Variants in ZNF25 observed in about 807,000 individuals in gnomAD.
The protein encoded by ZNF25 is zinc finger protein 25, also known as zinc finger protein 25 (KOX 19).
A neutral mutation model predicts 30.9 loss-of-function variants in ZNF25; 21 were observed. The ratio of observed to expected loss-of-function variants is 0.68; its 90% CI spans 0.48 to 0.98. The LOEUF is 0.98. Ranked by LOEUF, ZNF25 falls within the 50% of genes least tolerant of loss-of-function variation. ZNF25 has a pLI of 0.00. For synonymous variants in ZNF25, 169 were observed against 181.3 expected, an observed-to-expected ratio of 0.93 and a Z score of 0.55; for missense variants, 501 against 529.9, an observed-to-expected ratio of 0.95 and a Z score of 0.54.
At chr10:37,957,894 A>G (rs2062629660) in intron 2 of ZNF25, among the ~76,000 whole-genome samples, 1 of 152,244 alleles carries the variant, frequency 6.6e-6, no homozygotes, top group Non-Finnish European at 1.5e-5. Flanking sequence ...GTTTAGATAC[A>G]CAAATTCTTA....
intron 2 of ZNF25, among the ~76,000 whole-genome samples, chr10:37,958,678 G>C (rs1005596971): frequency 2.2e-4 from 33 of 152,068 alleles, no homozygotes; most frequent in Non-Finnish European, 7.4e-5. Context: ...CCAGCTACTT[G>C]AGAGGGTGAT....
At chr10:37,967,205 C>T (rs751337317) in intron 2 of ZNF25, among the ~76,000 whole-genome samples, 1 of 152,130 alleles carries the variant, frequency 6.6e-6, no homozygotes, top group Non-Finnish European at 1.5e-5. Context: ...GATTATCCTC[C>T]AATTCATACG....
chr10:37,966,496 C>T (rs890995903), intron 2 of ZNF25, among the ~76,000 whole-genome samples: 4 of 151,836 alleles, frequency 2.6e-5, no homozygotes, highest in Admixed American at 6.6e-5. Context: ...CCACAGGCTG[C>T]GCAGGAAGCA....
At chr10:37,968,118 C>T (rs761280905) in intron 2 of ZNF25, among the ~76,000 whole-genome samples, 10 of 152,056 alleles carry the variant, frequency 6.6e-5, no homozygotes, top group East Asian at 3.9e-4. Context: ...AGTGCAGTGG[C>T]GCCATCTCAG....
In ZNF25 at chr10:37,954,914, G is replaced by T. The variant is rs192683879; in HGVS notation, c.239-1156C>A. Among the ~76,000 whole-genome samples, 80 of 152,280 alleles carry T rather than the reference G, an allele frequency of 5.3e-4. 2 individuals are homozygous for T. In the East Asian group the frequency reaches 0.012, roughly 22 times the overall value. The stretch of plus-strand genomic sequence containing the variant: ...CATGCCTGTAATCCCGGCACTTTGA[G>T]AGGCTGAGGTGGGTGGATCACCTGA... On this transcript the variant is annotated intron_variant, in intron 4 of 5. Coordinates refer to ENST00000302609, the MANE Select transcript of ZNF25 (RefSeq NM_145011.4).
At chr10:37,969,299 G>A (rs552545727) in intron 2 of ZNF25, among the ~76,000 whole-genome samples, 1 of 152,206 alleles carries the variant, frequency 6.6e-6, no homozygotes, top group South Asian at 2.1e-4. Context: ...TTGAAAATAG[G>A]TATCAAATAC....
chr10:37,957,116 C>T lies in ZNF25; in HGVS notation c.143-1G>A. 8.7e-6 allele frequency: 14 copies of T among 1,611,932 alleles called. No individual in the cohort carries two copies. The highest frequency in any genetic ancestry group is 1.2e-5 in the Non-Finnish European group (14 of 1,178,364). On this transcript the variant is annotated splice_acceptor_variant, in intron 3 of 5. Transcript: ENST00000302609. LOFTEE classifies it high-confidence loss of function. Reference sequence around the variant, plus strand: ...GCATTTGGCTTATTCACATGGTAACCTATGAATGGAAAATATCAAGGAAAT... The same window carrying T: ...GCATTTGGCTTATTCACATGGTAACTTATGAATGGAAAATATCAAGGAAAT...
rs928786656 is a variant in ZNF25 at position 37,952,616 on chromosome 10, G to A, written c.882C>T (p.Phe294=). The A allele has an allele frequency of 9.9e-6, 16 of 1,612,710 alleles. No individual in the cohort carries two copies. Among genetic ancestry groups the A allele is most frequent in the Non-Finnish European group, 1.3e-5 (15 of 1,179,662 alleles). Residue 294 remains phenylalanine, a synonymous_variant, in exon 6 of 6, where the codon TTC becomes TTT. Transcript: ENST00000302609. Reference sequence around the variant, plus strand: ...TTTTGAGGTGTGAATTCCTAGAGAAGAATTTCCCACATTCCTTACATTTAT... The same window carrying A: ...TTTTGAGGTGTGAATTCCTAGAGAAAAATTTCCCACATTCCTTACATTTAT... The part of the protein sequence containing the change: ...KPYKCKECGK[F]FSRNSHLKTH...
chr10:37,973,047 A>T (rs1239721896), intron 1 of ZNF25, among the ~76,000 whole-genome samples: 1 of 152,156 alleles, frequency 6.6e-6, no homozygotes, highest in African/African-American at 2.4e-5. Context: ...GCATGCCTGT[A>T]ATCCCAGCTA....
At position 37,952,402 on chromosome 10, in the gene ZNF25, CT is replaced by C; in HGVS notation, c.1095del (p.Glu367ArgfsTer15). 6.2e-7 allele frequency: 1 copy of C among 1,614,148 alleles called. No individual in the cohort carries two copies. The highest frequency in any genetic ancestry group is 1.1e-5 in the South Asian group (1 of 91,080). ...TCTGTGCATTCATAGGGCTTCTCCC[CT>C]GTGTGTTTTCTCTGATGTTTAGTGA... ...SDLTKHQRKH[T>X]GEKPYECTEC... On this transcript the variant is annotated frameshift_variant, in exon 6 of 6. Transcript: ENST00000302609. LOFTEE classifies it low-confidence loss of function (END_TRUNC).
At chr10:37,974,077 CAGA>C (rs1297170578) in intron 1 of ZNF25, among the ~76,000 whole-genome samples, 1 of 152,110 alleles carries the variant, frequency 6.6e-6, no homozygotes, top group Non-Finnish European at 1.5e-5. Flanking sequence ...TATCCATACG[CAGA>C]AGAATGAAAC....
intron 2 of ZNF25, among the ~76,000 whole-genome samples, chr10:37,958,806 T>C (rs1397951271): frequency 3.3e-5 from 5 of 151,782 alleles, no homozygotes; most frequent in Non-Finnish European, 5.9e-5. Flanking sequence ...CCACCACTTT[T>C]GGAGGCCGAA....
chr10:37,957,725 C>A (rs2062620931), intron 2 of ZNF25, among the ~76,000 whole-genome samples, 179 bp from the exon 3 acceptor site: 1 of 152,132 alleles, frequency 6.6e-6, no homozygotes, highest in Admixed American at 6.5e-5. Context: ...TACATATTTA[C>A]TGAGCTCCCA....
Position 37,954,035 on chromosome 10 carries a change from G to A in ZNF25, c.239-277C>T, listed in dbSNP as rs1026093430. ...GAAAGTTAAAGACAAAAAAAGAACC[G>A]GGAGAGGAGAACATAGGACATTCGA... On this transcript the variant is annotated intron_variant, in intron 4 of 5. Coordinates refer to ENST00000302609, the MANE Select transcript of ZNF25 (RefSeq NM_145011.4). 1.6e-4 allele frequency among the ~76,000 whole-genome samples: 24 copies of A among 152,154 alleles called. 1 individual carries two copies. Among genetic ancestry groups the A allele is most frequent in the African/African-American group, 4.8e-4 (20 of 41,434 alleles).
chr10:37,973,496 A>AT (rs2135457908), intron 1 of ZNF25, among the ~76,000 whole-genome samples: 1 of 148,906 alleles, frequency 6.7e-6, no homozygotes, highest in East Asian at 2.1e-4. Context: ...GTGCACTCCT[A>AT]TAATCCCAGC....
At position 37,953,110 on chromosome 10, in the gene ZNF25, T is replaced by TCTG; in HGVS notation, c.385_387dup (p.Gln129dup). ...TGCTGATGTACTATGAGGGCAGACT[T>TCTG]CTGGCAGAAGAACTTCCCACATTCC... On this transcript the variant is annotated inframe_insertion, in exon 6 of 6. Transcript: ENST00000302609. 6.2e-7 allele frequency: 1 copy of TCTG among 1,613,534 alleles called. No homozygotes were observed.
At chr10:37,958,431 G>A (rs7069702) in intron 2 of ZNF25, among the ~76,000 whole-genome samples, 3 of 151,868 alleles carry the variant, frequency 2.0e-5, no homozygotes, top group African/African-American at 7.3e-5. Flanking sequence ...TATACCATAG[G>A]TTGGTAGGTA....
intron 2 of ZNF25, among the ~76,000 whole-genome samples, chr10:37,966,550 G>A (rs1281783200): frequency 6.6e-6 from 1 of 152,166 alleles, no homozygotes; most frequent in Non-Finnish European, 1.5e-5. Flanking sequence ...AGCAGAAGGT[G>A]AAGGAGAAGT....
rs1338696374 is a variant in ZNF25 at position 37,951,845 on chromosome 10, CAAAACAAAAGT to C, written c.*271_*281del. On this transcript the variant is annotated 3_prime_UTR_variant, in exon 6 of 6. Coordinates refer to ENST00000302609, the MANE Select transcript of ZNF25 (RefSeq NM_145011.4). ...TTTCTCCTGTGTGACTTCTATGTTG[CAAAACAAAAGT>C]ATGACTTCTGAAAGGTTTCCTTCCT... 3.3e-6 allele frequency: 1 copy of C among 303,704 alleles called. No individual in the cohort carries two copies. The highest frequency in any genetic ancestry group is 6.0e-6 in the Non-Finnish European group (1 of 165,784). 18.8% of individuals were successfully genotyped at this position (303,704 alleles called of 1,614,324 possible).
Sources: gnomAD v4.1 joint callset for allele counts (sites outside exome capture counted in the v4.1 genomes callset) on GRCh38, gnomAD v4.1.1 for gene constraint, MANE v1.5 for transcripts, NCBI Gene and HGNC (gene_info 2026-07-23, HGNC 2026-07-21) for gene names.